BCAS4: variants seen among roughly 807,000 people sequenced by gnomAD.
The protein encoded by BCAS4 is breast carcinoma-amplified sequence 4.
In BCAS4, 9 loss-of-function variants were observed where a neutral mutation model predicts 15.7. The ratio of observed to expected loss-of-function variants is 0.57; its 90% confidence interval spans 0.34 to 1.00. The LOEUF is 1.00. BCAS4 is among the 50% of genes least tolerant of loss of function. BCAS4 has a pLI of 0.02. For missense variants in BCAS4, 225 were observed against 239.1 expected, an observed-to-expected ratio of 0.94 and a Z score of 0.39; for synonymous variants, 101 against 99.5, an observed-to-expected ratio of 1.02 and a Z score of -0.09.
At chr20:50,818,420 C>A in intron 2 of BCAS4, 138 bp downstream of exon 2, 2 of 763,164 alleles carry the variant, frequency 2.6e-6, no homozygotes, top group Non-Finnish European at 4.3e-6. Context: ...GAGAGGAAAG[C>A]CACGTGCAAA....
At chr20:50,855,318 A>G (rs1037496504) in intron 4 of BCAS4, among the ~76,000 whole-genome samples, 8 of 151,910 alleles carry the variant, frequency 5.3e-5, no homozygotes, top group African/African-American at 1.9e-4. Flanking sequence ...GCCTGGATCC[A>G]TGTCTCTTGC....
intron 1 of BCAS4, among the ~76,000 whole-genome samples, chr20:50,811,716 G>C (rs1207225731): frequency 6.6e-6 from 1 of 152,208 alleles, no homozygotes; most frequent in Non-Finnish European, 1.5e-5. Flanking sequence ...TCCAGCTCCA[G>C]AGTTCAAGCG....
At chr20:50,841,439 GC>G (rs2088480575) in intron 3 of BCAS4, among the ~76,000 whole-genome samples, 1 of 151,892 alleles carries the variant, frequency 6.6e-6, no homozygotes, top group Admixed American at 6.6e-5. Context: ...CCCCGCCCCT[GC>G]CCCTGCCACT....
intron 1 of BCAS4, among the ~76,000 whole-genome samples, chr20:50,796,477 ATATATATATATTTTTTTTTT>A (rs1225189371): frequency 3.8e-4 from 5 of 13,012 alleles, no homozygotes; most frequent in African/African-American, 3.1e-4. Flanking sequence ...ATATATATAT[ATATATATATATTTTTTTTTT>A]TTTTTTTTTT....
At chr20:50,812,355 G>A (rs181858138) in intron 1 of BCAS4, among the ~76,000 whole-genome samples, 32 of 150,862 alleles carry the variant, frequency 2.1e-4, no homozygotes, top group Middle Eastern at 3.4e-3. Flanking sequence ...GGATGGTCTC[G>A]ATCTCCTGAC....
rs559713139 is a variant in BCAS4 at position 50,803,955 on chromosome 20, G to A, written c.90+8782G>A. On this transcript the variant is annotated intron_variant, in intron 1 of 4. Transcript: ENST00000371608. ...GCCTGGAAGTGACCTGGTCTGATTG[G>A]TCTGTTGGAAAATCACTCTGGGGGC... Among the ~76,000 whole-genome samples the A allele has an allele frequency of 7.9e-5, 12 of 152,248 alleles. No homozygotes were observed. In the South Asian group the frequency reaches 1.9e-3, roughly 24 times the overall value.
chr20:50,841,866 G>A lies in BCAS4; in HGVS notation c.365G>A (p.Trp122Ter), dbSNP rs1196790656. ...GCCTTCCCTCAGGCCCTGCGGAGGT[G>A]GCTGGGATCCGCAGGGCTCCCCTCC... ...HGAFPQALRR[W>*]LGSAGLPSFR... The change falls in exon 4 of 5, where the codon TGG becomes TAG. Residue 122 changes from tryptophan to a stop codon, truncating the protein, a stop_gained. Transcript: ENST00000371608. LOFTEE classifies it low-confidence loss of function (END_TRUNC). The A allele has an allele frequency of 1.2e-6, 2 of 1,603,730 alleles. No individual in the cohort carries two copies. Among genetic ancestry groups the A allele is most frequent in the South Asian group, 1.1e-5 (1 of 90,326 alleles).
intron 1 of BCAS4, among the ~76,000 whole-genome samples, chr20:50,807,044 G>T (rs1015800949): frequency 6.6e-6 from 1 of 151,618 alleles, no homozygotes; most frequent in Non-Finnish European, 1.5e-5. Flanking sequence ...GCTAATTTTT[G>T]TATTTTTAGT....
chr20:50,830,786 G>A (rs1228910811), intron 3 of BCAS4, among the ~76,000 whole-genome samples: 1 of 152,138 alleles, frequency 6.6e-6, no homozygotes, highest in Non-Finnish European at 1.5e-5. Context: ...GGAGGTCATG[G>A]CTACTGTGAG....
chr20:50,845,069 G>C (rs2088527368), intron 4 of BCAS4, among the ~76,000 whole-genome samples: 1 of 152,108 alleles, frequency 6.6e-6, no homozygotes, highest in African/African-American at 2.4e-5. Context: ...CGCTGGTGTT[G>C]GGGCCGACTC....
chr20:50,821,144 A>G (rs890427060), intron 2 of BCAS4, among the ~76,000 whole-genome samples: 7 of 152,194 alleles, frequency 4.6e-5, no homozygotes, highest in Non-Finnish European at 1.0e-4. Context: ...CACAGCCGCC[A>G]CGTGCTTGTG....
Position 50,857,669 on chromosome 20 carries a change from G to A in BCAS4, c.399+15769G>A, listed in dbSNP as rs1299933246. Reference sequence around the variant, plus strand: ...TGCTAGCAGCTCTGGGGCTTTGGTGGGGGATGTCAAAGTGCAAATTCGAGG... The same window carrying A: ...TGCTAGCAGCTCTGGGGCTTTGGTGAGGGATGTCAAAGTGCAAATTCGAGG... On this transcript the variant is annotated intron_variant, in intron 4 of 4. Coordinates refer to ENST00000371608, the MANE Select transcript of BCAS4 (RefSeq NM_198799.4). Among the ~76,000 whole-genome samples, 17 of 152,134 alleles carry A rather than the reference G, an allele frequency of 1.1e-4. 1 individual carries two copies. The highest frequency in any genetic ancestry group is 9.2e-4 in the Admixed American group (14 of 15,280).
intron 1 of BCAS4, among the ~76,000 whole-genome samples, chr20:50,797,352 C>T (rs909503448): frequency 6.6e-6 from 1 of 151,988 alleles, no homozygotes; most frequent in Non-Finnish European, 1.5e-5. Flanking sequence ...GAATCGTACA[C>T]TTTGAAAGGG....
chr20:50,856,371 T>A (rs1055661771), intron 4 of BCAS4, among the ~76,000 whole-genome samples: 1 of 152,220 alleles, frequency 6.6e-6, no homozygotes. Flanking sequence ...CACCTTGTCA[T>A]GCTGCCAGGC....
chr20:50,850,983 G>T lies in BCAS4; in HGVS notation c.399+9083G>T, dbSNP rs148141712. Among the ~76,000 whole-genome samples the T allele has an allele frequency of 3.2e-3, 488 of 152,256 alleles. 1 individual carries two copies. The highest frequency in any genetic ancestry group is 0.011 in the African/African-American group (466 of 41,538). ...CCCGGGCTGCCTGTAGGAGTCGTCA[G>T]TGCCAGGCTCAGCGTGCTCCCCTCC... On this transcript the variant is annotated intron_variant, in intron 4 of 4. Transcript: ENST00000371608.
At chr20:50,856,106 G>A (rs926113212) in intron 4 of BCAS4, among the ~76,000 whole-genome samples, 1 of 152,232 alleles carries the variant, frequency 6.6e-6, no homozygotes, top group Non-Finnish European at 1.5e-5. Context: ...CCCGGCAGGG[G>A]ATGGCAGGTG....
At chr20:50,877,409 T>C (rs1980011715), downstream of BCAS4, 2 of 152,230 alleles carry the variant, frequency 1.3e-5, no homozygotes, top group Admixed American at 1.3e-4. Context: ...TTTCTTCCCA[T>C]GCAGATGAGT....
chr20:50,849,839 A>G (rs538537731), intron 4 of BCAS4, among the ~76,000 whole-genome samples: 38 of 152,302 alleles, frequency 2.5e-4, no homozygotes, highest in Middle Eastern at 3.4e-3. Flanking sequence ...GTGGAAAAAC[A>G]TGTTGTGGCT....
intron 3 of BCAS4, among the ~76,000 whole-genome samples, chr20:50,838,110 C>T (rs568263294): frequency 6.6e-6 from 1 of 152,346 alleles, no homozygotes; most frequent in East Asian, 1.9e-4. Context: ...CTTGGGTTCA[C>T]CCAATGTCGT....
Sources: gnomAD v4.1 joint callset for allele counts (sites outside exome capture counted in the v4.1 genomes callset) on GRCh38, gnomAD v4.1.1 for gene constraint, MANE v1.5 for transcripts, NCBI Gene and HGNC (gene_info 2026-07-23, HGNC 2026-07-21) for gene names.